The following ATN1 variants were observed in gnomAD, a reference collection of about 807,000 sequenced individuals.
ATN1 encodes the protein atrophin 1.
ATN1 carries 19 observed loss-of-function variants against 85.8 expected under a neutral mutation model. The observed-to-expected ratio is 0.22, with a 90% CI of 0.15 to 0.32. The LOEUF (loss-of-function observed/expected upper bound fraction) is 0.32, where lower values mean the gene tolerates loss of function less well. Among genes scored for constraint, ATN1 ranks in the 10% least tolerant of loss-of-function variants. The pLI is 1.00. For synonymous variants in ATN1, 674 were observed against 657.0 expected (o/e 1.03, Z -0.39); for missense variants, 1,453 against 1,564.5 (o/e 0.93, Z 1.20).
rs782397087 is a variant in ATN1, at chr12:6,937,971, C to A, written c.2421C>A (p.Ala807=). 9.0e-6 allele frequency: 14 copies of A among 1,557,060 alleles called. No homozygotes were observed. The highest frequency in any genetic ancestry group is 1.2e-5 in the Non-Finnish European group (14 of 1,151,388). Reference sequence around the variant, plus strand: ...TGGTGGAGAAGGTGCGGCGCGAGGCCGAGCAGCGCGCGCGCGAAGAAAAGG... The same window carrying A: ...TGGTGGAGAAGGTGCGGCGCGAGGCAGAGCAGCGCGCGCGCGAAGAAAAGG... The part of the protein sequence containing the change: ...ADLVEKVRRE[A]EQRAREEKER... Residue 807 remains alanine, a synonymous_variant, in exon 6 of 10, where the codon GCC becomes GCA. Coordinates refer to ENST00000396684, the MANE Select transcript of ATN1 (RefSeq NM_001940.4). The surrounding 1 kb of genome is among the most constrained non-coding windows in gnomAD (Gnocchi z 6.0).
rs782769630 is a variant in ATN1 at position 6,936,601 on chromosome 12, C to A, written c.1334C>A (p.Pro445His). ...QAVWSQGPPP[P>H]PPYGRLLANS... The stretch of plus-strand genomic sequence containing the variant: ...GTGTGGAGCCAGGGTCCCCCACCAC[C>A]TCCTCCCTATGGCCGCCTCTTAGCC... Residue 445 changes from proline to histidine, a missense_variant, in exon 5 of 10, where the codon CCT (proline) becomes CAT (histidine). Physicochemically the swap from Pro to His is moderately conservative, Grantham distance 77. This residue lies in a region of ATN1 where 990 missense variants were observed against 914.8 expected (regional missense o/e 1.08). Transcript: ENST00000396684. 1 of 1,611,840 alleles carries A rather than the reference C, an allele frequency of 6.2e-7. No homozygotes were observed. The highest frequency in any genetic ancestry group is 2.2e-5 in the East Asian group (1 of 44,806).
Position 6,937,580 on chromosome 12 carries a change from C to G in ATN1, c.2294+19C>G. The G allele has an allele frequency of 1.4e-6, 2 of 1,476,852 alleles. No individual in the cohort carries two copies. Among genetic ancestry groups the G allele is most frequent in the Non-Finnish European group, 1.8e-6 (2 of 1,114,962 alleles). The allele number at this position is 1,476,852 out of a possible 1,614,324, so 91.5% of individuals were successfully genotyped here. A position where few individuals can be genotyped will look rare whatever the true frequency, so the allele number is the denominator to read the frequency against. On this transcript the variant is annotated intron_variant, in intron 5 of 9. Transcript: ENST00000396684. The surrounding 1 kb of genome is among the most constrained non-coding windows in gnomAD (Gnocchi z 6.0). ...CTGCCAGGTGAGCGGCCAGGTGGGG[C>G]GGAGGTGGGCCTGGAAAGGGGACGA...
At position 6,936,932 on chromosome 12, in the gene ATN1, G is replaced by C. The variant is rs1555143835; in HGVS notation, c.1665G>C (p.Gln555His). Residue 555 changes from glutamine to histidine, a missense_variant, in exon 5 of 10, where the codon CAG (glutamine) becomes CAC (histidine). Transcript: ENST00000396684. ...GPAHLPPPHSQVSYSQAGPNG... is the reference protein window; with the variant it reads ...GPAHLPPPHSHVSYSQAGPNG... Reference sequence around the variant, plus strand: ...CACACCTGCCCCCACCTCACAGCCAGGTGTCCTACAGCCAAGCAGGCCCCA... The same window carrying C: ...CACACCTGCCCCCACCTCACAGCCACGTGTCCTACAGCCAAGCAGGCCCCA... 4 of 1,613,980 alleles carry C rather than the reference G, an allele frequency of 2.5e-6. No homozygotes were observed. Among genetic ancestry groups the C allele is most frequent in the Middle Eastern group, 1.7e-4 (1 of 6,060 alleles).
In ATN1 at chr12:6,936,420, G is replaced by A; in HGVS notation, c.1153G>A (p.Ala385Thr). The change falls in exon 5 of 10, where the codon GCC becomes ACC. Residue 385 changes from alanine to threonine, a missense_variant. Ala to Thr is a moderately conservative substitution (Grantham distance 58). Around this residue, in one of 6 missense-constraint regions of ATN1, gnomAD observed 990 missense variants for 914.8 expected, o/e 1.08. Transcript: ENST00000396684. Reference protein sequence around the residue: ...YSSSSSSSAAASSSSSSSSSS... With the variant: ...YSSSSSSSAATSSSSSSSSSS... The stretch of plus-strand genomic sequence containing the variant: ...ATCCTCTAGTAGTAGCTCTGCAGCA[G>A]CCTCCTCTTCCAGTTCTTCCTCCTC... 1 of 1,612,970 alleles carries A rather than the reference G, an allele frequency of 6.2e-7. No homozygotes were observed. Among genetic ancestry groups the A allele is most frequent in the Non-Finnish European group, 8.5e-7 (1 of 1,179,822 alleles).
Position 6,938,989 on chromosome 12 carries a change from C to T in ATN1, c.3026C>T (p.Pro1009Leu). Residue 1009 changes from proline to leucine, a missense_variant, in exon 7 of 10, where the codon CCA becomes CTA. By Grantham distance (98) the Pro-to-Leu change is moderately conservative. This residue lies in a region of ATN1 where 208 missense variants were observed against 263.4 expected (regional missense o/e 0.79). Coordinates refer to ENST00000396684, the MANE Select transcript of ATN1 (RefSeq NM_001940.4). ...ERERLALAAG[P>L]ALRPDMSYAE... ...GAACGTCTAGCGCTGGCAGCTGGGC[C>T]AGCCCTGCGGCCTGACATGTCCTAT... 6.2e-7 allele frequency: 1 copy of T among 1,613,074 alleles called. No individual in the cohort carries two copies. The highest frequency in any genetic ancestry group is 8.5e-7 in the Non-Finnish European group (1 of 1,179,986).
At position 6,934,709 on chromosome 12, in the gene ATN1, G is replaced by T. The variant is rs1021670904; in HGVS notation, c.279+131G>T. ...AGGCCAGATCATAGTGCTTATGAGA[G>T]CAGTTCTGTCTATAATATGCCAGAG... On this transcript the variant is annotated intron_variant, in intron 4 of 9. Transcript: ENST00000396684. This position sits in a 1 kb window ranked among gnomAD's most constrained non-coding sequence, Gnocchi z 4.5. The T allele has an allele frequency of 4.3e-6, 3 of 691,520 alleles. No homozygotes were observed. The highest frequency in any genetic ancestry group is 2.8e-4 in the Middle Eastern group (1 of 3,530). The allele number at this position is 691,520 out of a possible 1,614,324, so 42.8% of individuals were successfully genotyped here. A position where few individuals can be genotyped will look rare whatever the true frequency, so the allele number is the denominator to read the frequency against.
At position 6,937,535 on chromosome 12, in the gene ATN1, A is replaced by C. The variant is rs782378255; in HGVS notation, c.2268A>C (p.Val756=). 3 of 1,522,332 alleles carry C rather than the reference A, an allele frequency of 2.0e-6. No homozygotes were observed. Among genetic ancestry groups the C allele is most frequent in the Non-Finnish European group, 2.6e-6 (3 of 1,135,376 alleles). The allele number at this position is 1,522,332 out of a possible 1,614,324, so 94.3% of individuals were successfully genotyped here. A position where few individuals can be genotyped will look rare whatever the true frequency, so the allele number is the denominator to read the frequency against. ...SPSPPPKVVD[V]PSHASQSARF... is the part of the protein sequence containing the mutation. ...CGCCCCCTCCCAAGGTGGTAGATGT[A>C]CCCAGCCATGCCAGTCAGTCTGCCA... The change falls in exon 5 of 10, where the codon GTA becomes GTC. Residue 756 remains valine, a synonymous_variant. Transcript: ENST00000396684. The surrounding 1 kb of genome is among the most constrained non-coding windows in gnomAD (Gnocchi z 6.0).
rs1555144219 is a variant in ATN1, at chr12:6,938,521, C to T, written c.2558C>T (p.Ser853Phe). ...GGCCGTGCTCCGGTGGAATGCCCATCTCTGGGCCCAGTGCCCCATCGCCCT... is the reference window on the plus strand; with the variant it reads ...GGCCGTGCTCCGGTGGAATGCCCATTTCTGGGCCCAGTGCCCCATCGCCCT... ...QEGRAPVECPSLGPVPHRPPF... is the reference protein window; with the variant it reads ...QEGRAPVECPFLGPVPHRPPF... Residue 853 changes from serine to phenylalanine, a missense_variant, in exon 7 of 10, where the codon TCT becomes TTT. Transcript: ENST00000396684. 1 of 1,613,598 alleles carries T rather than the reference C, an allele frequency of 6.2e-7. No individual in the cohort carries two copies. The highest frequency in any genetic ancestry group is 8.5e-7 in the Non-Finnish European group (1 of 1,179,536).
Position 6,934,663 on chromosome 12 carries a change from C to A in ATN1, c.279+85C>A. ...TTATGCTCACTATTCTTAGCTGGAT[C>A]TCTCCTGGGACATAAGAGAAAGGCC... is the stretch of plus-strand genomic sequence containing the variant. On this transcript the variant is annotated intron_variant, in intron 4 of 9. Transcript: ENST00000396684. This position sits in a 1 kb window ranked among gnomAD's most constrained non-coding sequence, Gnocchi z 4.5. The A allele has an allele frequency of 9.8e-7, 1 of 1,015,332 alleles. No homozygotes were observed. The highest frequency in any genetic ancestry group is 1.5e-6 in the Non-Finnish European group (1 of 664,534). 62.9% of individuals were successfully genotyped at this position (1,015,332 alleles called of 1,614,324 possible).
At chr12:6,929,841 TAG>T (rs1211264384) in intron 1 of ATN1, among the ~76,000 whole-genome samples, 1 of 152,248 alleles carries the variant, frequency 6.6e-6, no homozygotes, top group Non-Finnish European at 1.5e-5. Flanking sequence ...TTATTTTTTG[TAG>T]AGTTGTCTTT....
rs782024066 is a variant in ATN1, at chr12:6,936,743, G to A, written c.1476G>A (p.Gln492=). The A allele has an allele frequency of 7.5e-6, 7 of 937,046 alleles. No individual in the cohort carries two copies. The highest frequency in any genetic ancestry group is 4.0e-5 in the African/African-American group (2 of 50,346). The allele number at this position is 937,046 out of a possible 1,614,324, so 58.0% of individuals were successfully genotyped here. A position where few individuals can be genotyped will look rare whatever the true frequency, so the allele number is the denominator to read the frequency against. The part of the protein sequence containing the change: ...HHQQQQQQQQ[Q]QQQQQQQQQQ... Reference sequence around the variant, plus strand: ...AGCAACAGCAACAGCAGCAGCAGCAGCAGCAGCAGCAGCAGCAGCAGCAGC... The same window carrying A: ...AGCAACAGCAACAGCAGCAGCAGCAACAGCAGCAGCAGCAGCAGCAGCAGC... The change falls in exon 5 of 10, where the codon CAG becomes CAA. Residue 492 remains glutamine (Q), a synonymous_variant. Transcript: ENST00000396684.
chr12:6,926,758 C>T (rs1353181667), upstream of ATN1, among the ~76,000 whole-genome samples: 1 of 152,178 alleles, frequency 6.6e-6, no homozygotes, highest in Admixed American at 6.5e-5. Context: ...GCGTGAGCCC[C>T]CGCACCGGCC....
chr12:6,933,578 C>T (rs145719339), intron 1 of ATN1, among the ~76,000 whole-genome samples: 72 of 152,316 alleles, frequency 4.7e-4, no homozygotes, highest in African/African-American at 1.6e-3. Context: ...ACTGTGTGAT[C>T]TCCTGGATTG....
At position 6,939,170 on chromosome 12, in the gene ATN1, C is replaced by A; in HGVS notation, c.3207C>A (p.Ile1069=). 1 of 1,597,012 alleles carries A rather than the reference C, an allele frequency of 6.3e-7. No individual in the cohort carries two copies. The highest frequency in any genetic ancestry group is 1.1e-5 in the South Asian group (1 of 90,804). The change falls in exon 7 of 10, where the codon ATC becomes ATA. Residue 1069 remains isoleucine (I), a synonymous_variant. Transcript: ENST00000396684. ...TGCACCTGCACCAGCAAGATGCTAT[C>A]CATGCAGGTGAGACCCCTCCTTCCT... The part of the protein sequence containing the change: ...SHLHLHQQDA[I]HAASASVHPL...
At chr12:6,930,560 C>A (rs1418748969) in intron 1 of ATN1, among the ~76,000 whole-genome samples, 2 of 152,290 alleles carry the variant, frequency 1.3e-5, no homozygotes, top group East Asian at 3.9e-4. Context: ...CTTTGGGAGG[C>A]TGAGGCGGGC....
rs782631301 is a variant in ATN1, at chr12:6,929,876, A to G, written c.-163+1492A>G. Among the ~76,000 whole-genome samples, 64 of 151,998 alleles carry G rather than the reference A, an allele frequency of 4.2e-4. No homozygotes were observed. In the South Asian group the frequency reaches 8.9e-3, roughly 21 times the overall value. ...TTTTTGCTTCTTTGCACTTTCTTTC[A>G]TTTTCTAAAACTTGAATTCCTCTTT... is the stretch of plus-strand genomic sequence containing the variant. On this transcript the variant is annotated intron_variant, in intron 1 of 9. Transcript: ENST00000396684.
chr12:6,938,112 C>T (rs1167930596), intron 6 of ATN1, 45 bp downstream of exon 6: 80 of 1,509,458 alleles, frequency 5.3e-5, no homozygotes, highest in Non-Finnish European at 6.3e-5. Context: ...TCCCTCTTTC[C>T]TTCCTTCCCT....
Position 6,935,541 on chromosome 12 carries a change from C to T in ATN1, c.280-6C>T. ...AGAGAAAAAATGAGTCTTCCCTTTT[C>T]TACAGCAGGAACTCCCTCGGCCACA... is the stretch of plus-strand genomic sequence containing the variant. On this transcript the variant is annotated splice_region_variant and splice_polypyrimidine_tract_variant and intron_variant, in intron 4 of 9. Coordinates refer to ENST00000396684, the MANE Select transcript of ATN1 (RefSeq NM_001940.4). This position sits in a 1 kb window ranked among gnomAD's most constrained non-coding sequence, Gnocchi z 5.3. The T allele has an allele frequency of 6.2e-7, 1 of 1,606,582 alleles. No homozygotes were observed.
upstream of ATN1, chr12:6,924,470 T>C (rs1945376924): frequency 6.6e-6 from 1 of 152,290 alleles, no homozygotes; most frequent in Non-Finnish European, 1.5e-5. Context: ...CAGGACGCCA[T>C]ACTGGACGCC....
Sources: allele counts gnomAD v4.1 joint callset (sites outside exome capture counted in the v4.1 genomes callset), GRCh38; gene constraint gnomAD v4.1.1; regional missense constraint gnomAD v4.1.1; non-coding constraint Gnocchi (gnomAD v3.1); transcripts MANE v1.5; gene names NCBI Gene and HGNC (gene_info 2026-07-23, HGNC 2026-07-21).